Variants in RANBP2 observed in about 807,000 individuals in gnomAD.
RANBP2 encodes the protein E3 SUMO-protein ligase RanBP2.
RANBP2 carries 57 observed loss-of-function variants against 303.6 expected under a neutral mutation model. That is an observed-to-expected ratio of 0.19 (90% CI 0.15 to 0.23). The LOEUF is 0.23. RANBP2 is among the 10% of genes least tolerant of loss of function. RANBP2 has a pLI of 1.00. For missense variants in RANBP2, 3,138 were observed against 3,780.8 expected (o/e 0.83, Z 4.46); for synonymous variants, 1,167 against 1,301.5 (o/e 0.90, Z 2.23).
the RANBP2 span, among the ~76,000 whole-genome samples, chr2:109,584,719 G>T: frequency 9.2e-5 from 14 of 151,994 alleles, no homozygotes; most frequent in Admixed American, 1.3e-4. Context: ...TGGCTAATTT[G>T]ATTATAATTT....
chr2:109,170,330 C>T, the RANBP2 span, among the ~76,000 whole-genome samples: 19 of 139,802 alleles, frequency 1.4e-4, no homozygotes, highest in African/African-American at 4.9e-4. Context: ...TCTCTCTCTC[C>T]TCTCTCTCTC....
the RANBP2 span, among the ~76,000 whole-genome samples, chr2:109,090,288 T>TG: frequency 6.7e-6 from 1 of 148,744 alleles, no homozygotes; most frequent in Non-Finnish European, 1.5e-5. Flanking sequence ...ATCAGAATTG[T>TG]GGGGTTGTAG....
At chr2:109,337,834 C>T in the RANBP2 span, among the ~76,000 whole-genome samples, 2 of 151,882 alleles carry the variant, frequency 1.3e-5, no homozygotes, top group African/African-American at 4.8e-5. Flanking sequence ...CTCAAGTGAT[C>T]CTCCCACCTC....
the RANBP2 span, among the ~76,000 whole-genome samples, chr2:109,540,798 C>CG: frequency 7.6e-6 from 1 of 131,226 alleles, no homozygotes; most frequent in Non-Finnish European, 1.6e-5. Context: ...AAGACCCTGT[C>CG]AAAAAAAAAA....
chr2:109,341,439 T>G, the RANBP2 span, among the ~76,000 whole-genome samples: 3 of 152,212 alleles, frequency 2.0e-5, no homozygotes, highest in Non-Finnish European at 4.4e-5. Context: ...TGACAGCACA[T>G]AAATGATAAC....
the RANBP2 span, among the ~76,000 whole-genome samples, chr2:109,039,492 A>G: frequency 6.6e-6 from 1 of 152,184 alleles, no homozygotes; most frequent in African/African-American, 2.4e-5. Context: ...CTGGGACTAC[A>G]GGTGCATGCC....
At chr2:109,494,872 C>T in the RANBP2 span, among the ~76,000 whole-genome samples, 3 of 152,294 alleles carry the variant, frequency 2.0e-5, no homozygotes, top group East Asian at 1.9e-4. Context: ...CTGCTCTCCT[C>T]TCCACTCTCA....
At chr2:109,140,033 T>C in the RANBP2 span, among the ~76,000 whole-genome samples, 7 of 152,200 alleles carry the variant, frequency 4.6e-5, no homozygotes, top group Admixed American at 4.6e-4. Flanking sequence ...AAACTGTGCC[T>C]ACATAACTCA....
the RANBP2 span, among the ~76,000 whole-genome samples, chr2:108,984,835 T>C: frequency 4.6e-3 from 694 of 152,328 alleles, 6 homozygotes; most frequent in African/African-American, 0.016. Flanking sequence ...GCCTGGCATG[T>C]AGCAGATGCC....
the RANBP2 span, among the ~76,000 whole-genome samples, chr2:109,484,447 A>T: frequency 9.9e-5 from 15 of 151,910 alleles, no homozygotes; most frequent in East Asian, 2.5e-3. Context: ...TTTTTGCTAG[A>T]TTTACCTGTT....
the RANBP2 span, among the ~76,000 whole-genome samples, chr2:108,996,366 C>A: frequency 2.4e-3 from 366 of 152,294 alleles, 1 homozygote; most frequent in Admixed American, 5.8e-3. Flanking sequence ...GGGCTGGACA[C>A]TAGAGAGCTC....
At chr2:109,469,499 T>C in the RANBP2 span, among the ~76,000 whole-genome samples, 9 of 152,202 alleles carry the variant, frequency 5.9e-5, no homozygotes, top group Non-Finnish European at 1.3e-4. Flanking sequence ...AGTGGGATGG[T>C]CTTCTGTGGC....
the RANBP2 span, among the ~76,000 whole-genome samples, chr2:109,352,620 T>C: frequency 2.6e-5 from 4 of 152,372 alleles, no homozygotes; most frequent in African/African-American, 9.6e-5. Context: ...TCTCCCTTCC[T>C]GGGCACCCCG....
chr2:109,599,862 T>G, the RANBP2 span, among the ~76,000 whole-genome samples: 170 of 152,330 alleles, frequency 1.1e-3, no homozygotes, highest in African/African-American at 3.8e-3. Context: ...AAATATCATT[T>G]CTAATTTGTG....
At chr2:109,394,432 AG>A in the RANBP2 span, among the ~76,000 whole-genome samples, 1 of 152,168 alleles carries the variant, frequency 6.6e-6, no homozygotes, top group African/African-American at 2.4e-5. Flanking sequence ...GCATCGGACT[AG>A]GGGGTGGCCC....
At chr2:109,458,987 A>G in the RANBP2 span, among the ~76,000 whole-genome samples, 1 of 152,152 alleles carries the variant, frequency 6.6e-6, no homozygotes, top group Non-Finnish European at 1.5e-5. Context: ...AACTATACTT[A>G]GTTTCCACAT....
the RANBP2 span, among the ~76,000 whole-genome samples, chr2:108,965,577 A>G: frequency 2.0e-5 from 3 of 151,832 alleles, no homozygotes; most frequent in Non-Finnish European, 2.9e-5. Context: ...CCCCATCAGG[A>G]TTTTCTCCTC....
At chr2:109,614,743 A>G in the RANBP2 span, 52 of 1,485,090 alleles carry the variant, frequency 3.5e-5, no homozygotes, top group South Asian at 6.2e-4. Context: ...AGGTTCTGTG[A>G]AGGGCCGTCC....
chr2:109,433,742 G>A, the RANBP2 span, among the ~76,000 whole-genome samples: 124 of 152,348 alleles, frequency 8.1e-4, no homozygotes, highest in Middle Eastern at 0.01. Flanking sequence ...CCAGAAGCGG[G>A]GGCTAAGGGA....
Sources: allele counts gnomAD v4.1 joint callset (sites outside exome capture counted in the v4.1 genomes callset), GRCh38; gene constraint gnomAD v4.1.1; transcripts MANE v1.5; gene names NCBI Gene and HGNC (gene_info 2026-07-23, HGNC 2026-07-21).